STAT4: variants seen among roughly 807,000 people sequenced by gnomAD.
STAT4 encodes the protein signal transducer and activator of transcription 4.
Under a neutral mutation model 110.5 loss-of-function variants are expected in STAT4, and 42 were observed. The observed-to-expected ratio is 0.38, with a 90% CI of 0.30 to 0.49. STAT4 has a LOEUF of 0.49. STAT4 is among the 20% of genes least tolerant of loss of function. STAT4 has a pLI of 0.95. For synonymous variants in STAT4, 284 were observed against 302.2 expected, an observed-to-expected ratio of 0.94 and a Z score of 0.63; for missense variants, 632 against 887.9, an observed-to-expected ratio of 0.71 and a Z score of 3.66.
rs760744584 is a variant in STAT4, at chr2:191,035,914, G to T, written c.1570+250C>A. Among the ~76,000 whole-genome samples, 2 of 152,172 alleles carry T rather than the reference G, an allele frequency of 1.3e-5. No individual in the cohort carries two copies. Among genetic ancestry groups the T allele is most frequent in the African/African-American group, 4.8e-5 (2 of 41,434 alleles). ...GCTGCTGTGTACTAGCCATGCAGCC[G>T]TGGCAAGTCACTTGACTTCTGCACT... is the stretch of plus-strand genomic sequence containing the variant. On this transcript the variant is annotated intron_variant, in intron 17 of 23. Coordinates refer to ENST00000392320, the MANE Select transcript of STAT4 (RefSeq NM_003151.4). The surrounding 1 kb of genome is among the most constrained non-coding windows in gnomAD (Gnocchi z 4.7).
At chr2:191,132,965 A>G (rs1038902239) in intron 3 of STAT4, among the ~76,000 whole-genome samples, 16 of 151,482 alleles carry the variant, frequency 1.1e-4, no homozygotes, top group African/African-American at 3.4e-4. Flanking sequence ...CGTGTTAGCC[A>G]GGATGGTCTC....
intron 3 of STAT4, among the ~76,000 whole-genome samples, chr2:191,103,455 C>G (rs1260107689): frequency 4.6e-5 from 7 of 152,048 alleles, no homozygotes; most frequent in Admixed American, 4.6e-4. Flanking sequence ...CAATTATAAA[C>G]CTGAAGTCCT....
chr2:191,081,991 C>A (rs540500919), intron 3 of STAT4, among the ~76,000 whole-genome samples: 1 of 152,278 alleles, frequency 6.6e-6, no homozygotes, highest in African/African-American at 2.4e-5. Flanking sequence ...TGATGTTGTA[C>A]ATCTTAATGA....
intron 3 of STAT4, among the ~76,000 whole-genome samples, chr2:191,132,114 A>G (rs1473886570): frequency 3.3e-5 from 5 of 151,772 alleles, no homozygotes; most frequent in Non-Finnish European, 7.4e-5. Context: ...ACTTTTCACT[A>G]TAAGCAGAGC....
At chr2:191,151,321 CAG>C (rs933488798), upstream of STAT4, 4 of 985,624 alleles carry the variant, frequency 4.1e-6, no homozygotes, top group Admixed American at 6.1e-5. This position sits in a 1 kb window ranked among gnomAD's most constrained non-coding sequence, Gnocchi z 4.7. Flanking sequence ...AGATCCTCTG[CAG>C]AGTTACTTAC....
At chr2:191,141,718 T>A (rs1699341447) in intron 3 of STAT4, among the ~76,000 whole-genome samples, 1 of 151,400 alleles carries the variant, frequency 6.6e-6, no homozygotes, top group Non-Finnish European at 1.5e-5. Flanking sequence ...GCAGCCTCCA[T>A]CTCCCGGGTT....
At chr2:191,045,712 T>C (rs947223322) in intron 14 of STAT4, among the ~76,000 whole-genome samples, 3 of 152,202 alleles carry the variant, frequency 2.0e-5, no homozygotes, top group African/African-American at 7.2e-5. Flanking sequence ...ATAATGAGAA[T>C]GCTACATTTA....
chr2:191,148,062 ATG>A lies in STAT4; in HGVS notation c.128+12_128+13del. The A allele has an allele frequency of 6.2e-7, 1 of 1,613,242 alleles. No homozygotes were observed. Among genetic ancestry groups the A allele is most frequent in the South Asian group, 1.1e-5 (1 of 90,992 alleles). On this transcript the variant is annotated intron_variant, in intron 2 of 23. Coordinates refer to ENST00000392320, the MANE Select transcript of STAT4 (RefSeq NM_003151.4). ...TTGTGCATCAACTTCTAGGGAAAAT[ATG>A]TTTGATCCTACCAGTCTTGATTTTC... is the stretch of plus-strand genomic sequence containing the variant.
chr2:191,072,900 A>G (rs1338070462), intron 5 of STAT4, among the ~76,000 whole-genome samples, 198 bp downstream of exon 5: 1 of 152,212 alleles, frequency 6.6e-6, no homozygotes, highest in Non-Finnish European at 1.5e-5. Context: ...CCCCATATCA[A>G]AGAAGTTCAA....
At chr2:191,088,362 G>A (rs894996396) in intron 3 of STAT4, among the ~76,000 whole-genome samples, 2 of 152,130 alleles carry the variant, frequency 1.3e-5, no homozygotes, top group Non-Finnish European at 2.9e-5. Flanking sequence ...CTAACAATGT[G>A]TGGATAAGAT....
In STAT4 at chr2:191,091,953, T is replaced by G. The variant is rs1222827835; in HGVS notation, c.274-15628A>C. Among the ~76,000 whole-genome samples the G allele has an allele frequency of 1.3e-5, 2 of 152,212 alleles. No individual in the cohort carries two copies. Among genetic ancestry groups the G allele is most frequent in the African/African-American group, 4.8e-5 (2 of 41,434 alleles). On this transcript the variant is annotated intron_variant, in intron 3 of 23. Coordinates refer to ENST00000392320, the MANE Select transcript of STAT4 (RefSeq NM_003151.4). The surrounding 1 kb of genome is among the most constrained non-coding windows in gnomAD (Gnocchi z 5.4). ...CAATAGTAATGACATATAACTAGAT[T>G]AGCAGAGCATAATAGAGAGTTGTGG...
chr2:191,119,512 C>T (rs35659578), intron 3 of STAT4, among the ~76,000 whole-genome samples: 4 of 152,002 alleles, frequency 2.6e-5, no homozygotes, highest in Non-Finnish European at 5.9e-5. Context: ...TAAAGCATTG[C>T]TAAGAGAAAT....
Position 191,032,937 on chromosome 2 carries a change from A to G in STAT4, c.2044+21T>C. The G allele has an allele frequency of 6.3e-7, 1 of 1,575,588 alleles. No individual in the cohort carries two copies. Among genetic ancestry groups the G allele is most frequent in the South Asian group, 1.2e-5 (1 of 84,756 alleles). The stretch of plus-strand genomic sequence containing the variant: ...CAAAATCTTAAGGAAAAAAAAACAA[A>G]AACAAACAGAAAAACCTAACCTTCG... On this transcript the variant is annotated intron_variant, in intron 21 of 23. Transcript: ENST00000392320. This position sits in a 1 kb window ranked among gnomAD's most constrained non-coding sequence, Gnocchi z 4.9.
chr2:191,047,043 T>A (rs1001190017), intron 14 of STAT4, among the ~76,000 whole-genome samples: 11 of 152,202 alleles, frequency 7.2e-5, no homozygotes, highest in African/African-American at 2.7e-4. Context: ...TGAATTCACC[T>A]ACAATGGCAA....
chr2:191,047,097 T>C (rs1224863106), intron 14 of STAT4, among the ~76,000 whole-genome samples: 1 of 152,160 alleles, frequency 6.6e-6, no homozygotes, highest in Non-Finnish European at 1.5e-5. Flanking sequence ...GAAGCTTCCA[T>C]AAAAACCTCA....
chr2:191,132,652 A>T lies in STAT4; in HGVS notation c.273+13961T>A, dbSNP rs568687653. ...GGGAACGAGAAGTGGAAGCAAATTT[A>T]AGAACGTTAATTTCTCCTCATATTT... On this transcript the variant is annotated intron_variant, in intron 3 of 23. Transcript: ENST00000392320. Among the ~76,000 whole-genome samples, 11 of 151,920 alleles carry T rather than the reference A, an allele frequency of 7.2e-5. No individual in the cohort carries two copies. The East Asian group carries it at 1.9e-3, about 27-fold the overall frequency.
intron 14 of STAT4, among the ~76,000 whole-genome samples, chr2:191,052,233 C>A (rs909090467): frequency 6.6e-6 from 1 of 152,054 alleles, no homozygotes; most frequent in African/African-American, 2.4e-5. Flanking sequence ...CCCGGTTTAT[C>A]TTCCTTCATG....
chr2:191,095,297 C>T (rs1697937993), intron 3 of STAT4, among the ~76,000 whole-genome samples: 1 of 152,190 alleles, frequency 6.6e-6, no homozygotes, highest in Non-Finnish European at 1.5e-5. Flanking sequence ...CACCCCAAAC[C>T]AACAGAATAT....
At chr2:191,074,594 C>A (rs956056609) in intron 4 of STAT4, among the ~76,000 whole-genome samples, 1 of 152,072 alleles carries the variant, frequency 6.6e-6, no homozygotes, top group Admixed American at 6.6e-5. Flanking sequence ...CACACGTGCA[C>A]AGACGAATAA....
Sources: gnomAD v4.1 joint callset for allele counts (sites outside exome capture counted in the v4.1 genomes callset) on GRCh38, gnomAD v4.1.1 for gene constraint, Gnocchi (gnomAD v3.1) non-coding constraint, MANE v1.5 for transcripts, NCBI Gene and HGNC (gene_info 2026-07-23, HGNC 2026-07-21) for gene names.